Variants in CNTN4 observed in about 807,000 individuals in gnomAD.
CNTN4 encodes contactin 4.
A neutral mutation model predicts 122.5 loss-of-function variants in CNTN4; 77 were observed. That is an observed-to-expected ratio of 0.63 (90% CI 0.52 to 0.76). The LOEUF is 0.76. Among genes scored for constraint, CNTN4 ranks in the 30% least tolerant of loss-of-function variants. CNTN4 has a pLI of 0.00. For synonymous variants in CNTN4, 512 were observed against 447.0 expected (o/e 1.15, Z -1.83); for missense variants, 1,256 against 1,259.1 (o/e 1.00, Z 0.04).
chr3:2,831,825 C>T (rs72995372), intron 7 of CNTN4, among the ~76,000 whole-genome samples: 2,036 of 152,314 alleles, frequency 0.013, 19 homozygotes, highest in Non-Finnish European at 0.02. Flanking sequence ...CTCAAATCAG[C>T]ACATACACTA....
chr3:3,017,225 G>A (rs1044880686), intron 14 of CNTN4, among the ~76,000 whole-genome samples: 19 of 152,176 alleles, frequency 1.2e-4, no homozygotes, highest in Non-Finnish European at 2.2e-4. Flanking sequence ...AAGATAAATA[G>A]GGGTGCTATT....
In CNTN4 at chr3:2,772,339, T is replaced by A. The variant is rs577301502; in HGVS notation, c.358+26642T>A. Among the ~76,000 whole-genome samples the A allele has an allele frequency of 2.3e-5, 3 of 129,350 alleles. 1 individual carries two copies. Among genetic ancestry groups the A allele is most frequent in the African/African-American group, 9.4e-5 (3 of 31,840 alleles). 84.9% of individuals were successfully genotyped at this position (129,350 alleles called of 152,430 possible). A position where few individuals can be genotyped will look rare whatever the true frequency, so the allele number is the denominator to read the frequency against. ...GGCAGTGAAAGTAGAGGAGGCATAT[T>A]TGAAAAATACTTTTGTGGTGAAATC... is the stretch of plus-strand genomic sequence containing the variant. On this transcript the variant is annotated intron_variant, in intron 6 of 24. Transcript: ENST00000418658.
intron 3 of CNTN4, among the ~76,000 whole-genome samples, chr3:2,375,494 C>G (rs925820869): frequency 6.6e-6 from 1 of 152,116 alleles, no homozygotes; most frequent in African/African-American, 2.4e-5. Context: ...GCTTCTCTAG[C>G]AGAAAAGGCC....
At chr3:2,215,668 G>T (rs1322442671) in intron 2 of CNTN4, among the ~76,000 whole-genome samples, 1 of 152,020 alleles carries the variant, frequency 6.6e-6, no homozygotes, top group Non-Finnish European at 1.5e-5. Context: ...GGATCATGAG[G>T]TCAGGAGATC....
chr3:2,609,224 T>G (rs1263505404), intron 4 of CNTN4, among the ~76,000 whole-genome samples: 1 of 152,198 alleles, frequency 6.6e-6, no homozygotes, highest in Non-Finnish European at 1.5e-5. Flanking sequence ...TGGAAAGTTA[T>G]TAAGTCACGA....
At chr3:2,260,238 T>C (rs1316073297) in intron 2 of CNTN4, among the ~76,000 whole-genome samples, 1 of 152,118 alleles carries the variant, frequency 6.6e-6, no homozygotes, top group Non-Finnish European at 1.5e-5. Context: ...GATTGTTTGT[T>C]GCAGGAGGGT....
chr3:2,412,376 C>T (rs1055527368), intron 3 of CNTN4, among the ~76,000 whole-genome samples: 3 of 152,006 alleles, frequency 2.0e-5, no homozygotes, highest in Admixed American at 6.6e-5. Flanking sequence ...TTCAGCCTCC[C>T]GAGTAGCTGG....
chr3:2,417,090 T>C lies in CNTN4; in HGVS notation c.-89+77857T>C, dbSNP rs575438487. ...TCAGCTCCCTTAGTGTGGGACATGC[T>C]GCCCGCTCCCTTCAGGTACTTATCT... On this transcript the variant is annotated intron_variant, in intron 3 of 24. Coordinates refer to ENST00000418658, the MANE Select transcript of CNTN4 (RefSeq NM_175607.3). 2.0e-5 allele frequency among the ~76,000 whole-genome samples: 3 copies of C among 152,350 alleles called. No individual in the cohort carries two copies. In the East Asian group the frequency reaches 5.8e-4, roughly 29 times the overall value.
intron 3 of CNTN4, among the ~76,000 whole-genome samples, chr3:2,341,138 C>A (rs1030137952): frequency 6.6e-6 from 1 of 152,114 alleles, no homozygotes; most frequent in African/African-American, 2.4e-5. Flanking sequence ...TTGGAATATT[C>A]TTTCTTTCCA....
chr3:2,191,106 G>A (rs904404926), intron 2 of CNTN4, among the ~76,000 whole-genome samples: 1 of 151,862 alleles, frequency 6.6e-6, no homozygotes, highest in African/African-American at 2.4e-5. Flanking sequence ...TTTTTATTTG[G>A]TTTTGAAGAG....
intron 6 of CNTN4, among the ~76,000 whole-genome samples, chr3:2,746,091 A>ACC (rs1287747530): frequency 9.9e-5 from 4 of 40,326 alleles, no homozygotes; most frequent in Non-Finnish European, 2.4e-4. Flanking sequence ...AATTTTACAC[A>ACC]CACACACACA....
Position 2,926,903 on chromosome 3 carries a change from C to A in CNTN4, c.1358+1124C>A, listed in dbSNP as rs564594935. On this transcript the variant is annotated intron_variant, in intron 13 of 24. Coordinates refer to ENST00000418658, the MANE Select transcript of CNTN4 (RefSeq NM_175607.3). ...GTTCATTGAATGTTGACATGGCATT[C>A]AAATTTGTAGCCAAACCTGAAAATC... Among the ~76,000 whole-genome samples the A allele has an allele frequency of 8.3e-4, 126 of 152,096 alleles. 1 individual carries two copies. Among genetic ancestry groups the A allele is most frequent in the Non-Finnish European group, 8.8e-4 (60 of 68,012 alleles).
intron 3 of CNTN4, among the ~76,000 whole-genome samples, chr3:2,499,814 C>G (rs977572921): frequency 2.0e-5 from 3 of 151,980 alleles, no homozygotes; most frequent in African/African-American, 7.2e-5. Flanking sequence ...CCATATATTT[C>G]TTTGGGGAAA....
intron 2 of CNTN4, among the ~76,000 whole-genome samples, chr3:2,128,542 G>C (rs1164934079): frequency 6.6e-6 from 1 of 152,058 alleles, no homozygotes; most frequent in Admixed American, 6.5e-5. Flanking sequence ...GCACTGAGAG[G>C]TGATCACAAT....
At chr3:2,253,575 C>T (rs182492382) in intron 2 of CNTN4, among the ~76,000 whole-genome samples, 2 of 152,086 alleles carry the variant, frequency 1.3e-5, no homozygotes, top group East Asian at 3.9e-4. Context: ...TAAGTTCCTG[C>T]TACTACTACT....
At chr3:2,303,747 G>A (rs939479286) in intron 2 of CNTN4, among the ~76,000 whole-genome samples, 2 of 152,044 alleles carry the variant, frequency 1.3e-5, no homozygotes, top group African/African-American at 4.8e-5. Flanking sequence ...CAGCACTACC[G>A]CAGAGGACAG....
At position 2,607,066 on chromosome 3, in the gene CNTN4, G is replaced by A. The variant is rs1330550194; in HGVS notation, c.55+35508G>A. Among the ~76,000 whole-genome samples the A allele has an allele frequency of 2.0e-5, 3 of 152,256 alleles. No homozygotes were observed. The East Asian group carries it at 5.8e-4, about 29-fold the overall frequency. On this transcript the variant is annotated intron_variant, in intron 4 of 24. Coordinates refer to ENST00000418658, the MANE Select transcript of CNTN4 (RefSeq NM_175607.3). ...ACATTTAATCTTCTTTCTTGATACA[G>A]TGCTACTTCTCTTGTTGAGTATTTG...
intron 13 of CNTN4, among the ~76,000 whole-genome samples, chr3:2,932,138 G>A (rs1182986982): frequency 6.6e-6 from 1 of 152,144 alleles, no homozygotes; most frequent in Non-Finnish European, 1.5e-5. Context: ...AGCACTTTGG[G>A]ACGTCGAGGC....
At chr3:2,100,701 G>A (rs1162298179) in intron 2 of CNTN4, 62 bp downstream of exon 2, 1 of 152,236 alleles carries the variant, frequency 6.6e-6, no homozygotes, top group Non-Finnish European at 1.5e-5. Flanking sequence ...AATATCTGCA[G>A]TGGGTCGCAG....
Sources: gnomAD v4.1 joint callset for allele counts (sites outside exome capture counted in the v4.1 genomes callset) on GRCh38, gnomAD v4.1.1 for gene constraint, MANE v1.5 for transcripts, NCBI Gene and HGNC (gene_info 2026-07-23, HGNC 2026-07-21) for gene names.